COG5: variants seen among roughly 807,000 people sequenced by gnomAD.
COG5 encodes conserved oligomeric Golgi complex subunit 5.
Under a neutral mutation model 110.4 loss-of-function variants are expected in COG5, and 86 were observed. That is an observed-to-expected ratio of 0.78 (90% CI 0.65 to 0.93). The LOEUF (loss-of-function observed/expected upper bound fraction) is 0.93, where lower values mean the gene tolerates loss of function less well. COG5 is among the 40% of genes least tolerant of loss of function. The probability of loss-of-function intolerance (pLI) is 0.00; values close to 1 mark genes in which losing one functional copy is unlikely to be tolerated. For missense variants in COG5, 1,077 were observed against 987.0 expected (o/e 1.09, Z -1.22); for synonymous variants, 360 against 334.6 (o/e 1.08, Z -0.83).
intron 14 of COG5, among the ~76,000 whole-genome samples, chr7:107,268,112 G>A (rs1803948783): frequency 6.6e-6 from 1 of 152,008 alleles, no homozygotes; most frequent in African/African-American, 2.4e-5. Flanking sequence ...GAGATTACAG[G>A]CATGCACCAC....
intron 14 of COG5, among the ~76,000 whole-genome samples, chr7:107,259,591 G>A (rs867892367): frequency 1.3e-5 from 2 of 151,968 alleles, no homozygotes; most frequent in East Asian, 3.9e-4. Context: ...ACTCGGGGCA[G>A]GGGGGGTCAA....
chr7:107,438,415 C>G (rs931866090), intron 6 of COG5, among the ~76,000 whole-genome samples: 1 of 152,208 alleles, frequency 6.6e-6, no homozygotes, highest in Non-Finnish European at 1.5e-5. Context: ...CTTGTCACTT[C>G]TCTAAAATGT....
Position 107,202,863 on chromosome 7 carries a change from T to C in COG5, c.*653A>G, listed in dbSNP as rs1302824465. The C allele has an allele frequency of 2.6e-5, 4 of 152,338 alleles. No individual in the cohort carries two copies. The highest frequency in any genetic ancestry group is 5.9e-5 in the Non-Finnish European group (4 of 68,150). The allele number at this position is 152,338 out of a possible 1,614,324, so 9.4% of individuals were successfully genotyped here. A position where few individuals can be genotyped will look rare whatever the true frequency, so the allele number is the denominator to read the frequency against. On this transcript the variant is annotated 3_prime_UTR_variant, in exon 22 of 22. Coordinates refer to ENST00000297135, the MANE Select transcript of COG5 (RefSeq NM_006348.5). ...AAAGTGTAACAAAAGCCTTGCTTTATTTAAAGATCCAGTATGACATACTTA... is the reference window on the plus strand; with the variant it reads ...AAAGTGTAACAAAAGCCTTGCTTTACTTAAAGATCCAGTATGACATACTTA...
At chr7:107,264,830 T>C (rs1306469415) in intron 14 of COG5, among the ~76,000 whole-genome samples, 2 of 152,130 alleles carry the variant, frequency 1.3e-5, no homozygotes, top group Non-Finnish European at 2.9e-5. Context: ...AAGGGAATGG[T>C]TGGGTCTATT....
intron 6 of COG5, among the ~76,000 whole-genome samples, chr7:107,440,532 T>A (rs556436142): frequency 6.6e-6 from 1 of 152,150 alleles, no homozygotes. Flanking sequence ...TGCATGCTAA[T>A]AGAATGATGG....
Position 107,201,399 on chromosome 7 carries a change from A to G in COG5, c.*2117T>C, listed in dbSNP as rs967842590. 6.5e-7 allele frequency: 1 copy of G among 1,550,134 alleles called. No homozygotes were observed. Among genetic ancestry groups the G allele is most frequent in the Non-Finnish European group, 8.9e-7 (1 of 1,123,524 alleles). Reference sequence around the variant, plus strand: ...GATTTGTAAACATTCACTGAGTTTAATTTTATTTCCACAGGGCTCACAACA... The same window carrying G: ...GATTTGTAAACATTCACTGAGTTTAGTTTTATTTCCACAGGGCTCACAACA... On this transcript the variant is annotated 3_prime_UTR_variant, in exon 22 of 22. Transcript: ENST00000297135.
intron 14 of COG5, among the ~76,000 whole-genome samples, chr7:107,280,561 A>T (rs1364891791): frequency 6.6e-6 from 1 of 152,042 alleles, no homozygotes; most frequent in Non-Finnish European, 1.5e-5. Flanking sequence ...AAGATAGTGG[A>T]GACAATCAGA....
intron 10 of COG5, among the ~76,000 whole-genome samples, chr7:107,348,579 T>C (rs1015475752): frequency 1.3e-5 from 2 of 152,164 alleles, no homozygotes; most frequent in African/African-American, 4.8e-5. Context: ...TAGCATAAAG[T>C]TTTTCTTATT....
chr7:107,492,868 T>C (rs1798056291), intron 6 of COG5, among the ~76,000 whole-genome samples: 3 of 152,158 alleles, frequency 2.0e-5, no homozygotes, highest in Admixed American at 6.6e-5. Flanking sequence ...TGGGGGACCA[T>C]TATTCTGCCT....
chr7:107,425,040 A>C (rs1444095783), intron 6 of COG5, among the ~76,000 whole-genome samples: 2 of 152,132 alleles, frequency 1.3e-5, no homozygotes, highest in Non-Finnish European at 2.9e-5. Flanking sequence ...GAACATCCAA[A>C]AGAAGAATAT....
At chr7:107,563,701 G>T in intron 1 of COG5, 102 bp downstream of exon 1, 1 of 1,413,196 alleles carries the variant, frequency 7.1e-7, no homozygotes, top group Non-Finnish European at 1.0e-6. Flanking sequence ...GTCCAGACTG[G>T]AAAACTTTCT....
intron 14 of COG5, among the ~76,000 whole-genome samples, chr7:107,262,862 T>C (rs530037451): frequency 1.7e-4 from 26 of 152,314 alleles, no homozygotes; most frequent in African/African-American, 6.0e-4. Flanking sequence ...TCTTAATCTG[T>C]AACACGGAAC....
rs1584580857 is a variant in COG5 at position 107,256,096 on chromosome 7, T to G, written c.1749+636A>C. Among the ~76,000 whole-genome samples, 7 of 152,280 alleles carry G rather than the reference T, an allele frequency of 4.6e-5. 1 individual carries two copies. The highest frequency in any genetic ancestry group is 4.6e-4 in the Admixed American group (7 of 15,298). ...AGAGATACTGTCAACTACATATGGC[T>G]CTGAATCTCATACCATTATTGTTTA... On this transcript the variant is annotated intron_variant, in intron 16 of 21. Coordinates refer to ENST00000297135, the MANE Select transcript of COG5 (RefSeq NM_006348.5).
chr7:107,552,739 T>C (rs1056298927), intron 3 of COG5, among the ~76,000 whole-genome samples: 1 of 152,176 alleles, frequency 6.6e-6, no homozygotes, highest in Non-Finnish European at 1.5e-5. Context: ...AGAACTACCA[T>C]TTGACCCAGC....
intron 3 of COG5, among the ~76,000 whole-genome samples, chr7:107,553,208 A>G (rs2129176343): frequency 6.6e-6 from 1 of 152,298 alleles, no homozygotes; most frequent in Middle Eastern, 3.4e-3. Context: ...TCTCAGGTAC[A>G]AACCTACACA....
At position 107,428,612 on chromosome 7, in the gene COG5, T is replaced by C. The variant is rs77823305; in HGVS notation, c.539-15980A>G. ...TCTAGCCTCCAGAACTATGTAAGAA[T>C]AATTCTGTTGTTTTAAGGCACTCAG... On this transcript the variant is annotated intron_variant, in intron 6 of 21. Transcript: ENST00000297135. Among the ~76,000 whole-genome samples the C allele has an allele frequency of 2.3e-3, 356 of 152,334 alleles. 1 individual carries two copies. Among genetic ancestry groups the C allele is most frequent in the Non-Finnish European group, 4.1e-3 (276 of 68,024 alleles).
rs181714444 is a variant in COG5, at chr7:107,241,492, G to A, written c.1854-4805C>T. Among the ~76,000 whole-genome samples the A allele has an allele frequency of 3.1e-3, 445 of 145,866 alleles. 1 individual carries two copies. The highest frequency in any genetic ancestry group is 5.1e-3 in the Non-Finnish European group (340 of 66,848). On this transcript the variant is annotated intron_variant, in intron 17 of 21. Coordinates refer to ENST00000297135, the MANE Select transcript of COG5 (RefSeq NM_006348.5). ...TTTTGATACAGAGTCTCACTCTATCGCCCAGGCTGGAGTGCAGTGGCGCGA... is the reference window on the plus strand; with the variant it reads ...TTTTGATACAGAGTCTCACTCTATCACCCAGGCTGGAGTGCAGTGGCGCGA...
At chr7:107,321,368 A>C (rs1279684724) in intron 11 of COG5, among the ~76,000 whole-genome samples, 1 of 152,162 alleles carries the variant, frequency 6.6e-6, no homozygotes, top group Non-Finnish European at 1.5e-5. Context: ...TCAATATTAA[A>C]CTGTGAATTC....
chr7:107,519,618 A>G (rs780516137), intron 6 of COG5, among the ~76,000 whole-genome samples: 2 of 152,172 alleles, frequency 1.3e-5, no homozygotes, highest in Non-Finnish European at 2.9e-5. Flanking sequence ...CTCTGAATAG[A>G]CTAATAACAA....
Sources: gnomAD v4.1 joint callset for allele counts (sites outside exome capture counted in the v4.1 genomes callset) on GRCh38, gnomAD v4.1.1 for gene constraint, MANE v1.5 for transcripts, NCBI Gene and HGNC (gene_info 2026-07-23, HGNC 2026-07-21) for gene names.